Variants in SRCAP observed in about 807,000 individuals in gnomAD.
The protein encoded by SRCAP is chromatin remodeling protein SRCAP.
Under a neutral mutation model 263.1 loss-of-function variants are expected in SRCAP, and 46 were observed. The observed-to-expected ratio is 0.17, with a 90% CI of 0.14 to 0.22. The LOEUF (loss-of-function observed/expected upper bound fraction) is 0.22. Among genes scored for constraint, SRCAP ranks in the 10% least tolerant of loss-of-function variants. SRCAP has a pLI of 1.00. For synonymous variants in SRCAP, 1,813 were observed against 1,662.1 expected (o/e 1.09, Z -2.21); for missense variants, 3,695 against 4,181.9 (o/e 0.88, Z 3.21).
In SRCAP at chr16:30,716,222, G is replaced by A; in HGVS notation, c.2630+20G>A. 6.2e-7 allele frequency: 1 copy of A among 1,613,814 alleles called. No individual in the cohort carries two copies. The highest frequency in any genetic ancestry group is 8.5e-7 in the Non-Finnish European group (1 of 1,179,740). ...GACCACGTAAGGGAGGAAGGAGGGTGGGCCCTGGGACTCGAGATTGGAGTG... is the reference window on the plus strand; with the variant it reads ...GACCACGTAAGGGAGGAAGGAGGGTAGGCCCTGGGACTCGAGATTGGAGTG... On this transcript the variant is annotated intron_variant, in intron 17 of 33. Coordinates refer to ENST00000262518, the MANE Select transcript of SRCAP (RefSeq NM_006662.3).
At chr16:30,730,942 A>G (rs2053109199) in intron 27 of SRCAP, among the ~76,000 whole-genome samples, 1 of 152,088 alleles carries the variant, frequency 6.6e-6, no homozygotes, top group African/African-American at 2.4e-5. Context: ...TGCTGGGATT[A>G]CACACGTGAG....
chr16:30,736,291 AC>A lies in SRCAP; in HGVS notation c.6822del (p.Asn2274LysfsTer33). ...GCTGAGCTTGCAGAATTTAATGAGA[AC>A]GATGGGTTTCCTGCTGGTGAGGGAG... The part of the protein sequence containing the change: ...QVAELAEFNE[N>X]DGFPAGEGEE... On this transcript the variant is annotated frameshift_variant, in exon 32 of 34. Transcript: ENST00000262518. 6.2e-7 allele frequency: 1 copy of A among 1,614,166 alleles called. No homozygotes were observed. The highest frequency in any genetic ancestry group is 8.5e-7 in the Non-Finnish European group (1 of 1,180,028).
intron 10 of SRCAP, among the ~76,000 whole-genome samples, 175 bp from the exon 11 acceptor site, chr16:30,711,396 C>G (rs1018917277): frequency 6.6e-6 from 1 of 152,184 alleles, no homozygotes; most frequent in African/African-American, 2.4e-5. Context: ...TGGTACTTCC[C>G]CCAGGTTGTG....
intron 6 of SRCAP, among the ~76,000 whole-genome samples, chr16:30,708,928 C>T (rs554307622): frequency 6.6e-6 from 1 of 152,298 alleles, no homozygotes; most frequent in East Asian, 1.9e-4. Context: ...AAGCGATTCT[C>T]CTGCCTCTGC....
rs2053090003 is a variant in SRCAP at position 30,729,144 on chromosome 16, C to G, written c.5837C>G (p.Pro1946Arg). The change falls in exon 26 of 34, where the codon CCC becomes CGC. Residue 1946 changes from proline to arginine, a missense_variant. Physicochemically the swap from Pro to Arg is moderately radical, Grantham distance 103. Coordinates refer to ENST00000262518, the MANE Select transcript of SRCAP (RefSeq NM_006662.3). ...CCTCGTTCTCCTGGCCCCAGCCACC[C>G]CACCTTTTGGACTTATACCGAGGCT... Reference protein sequence around the residue: ...IGPRSPGPSHPTFWTYTEAAH... With the variant: ...IGPRSPGPSHRTFWTYTEAAH... The G allele has an allele frequency of 1.9e-6, 3 of 1,614,192 alleles. No homozygotes were observed. Among genetic ancestry groups the G allele is most frequent in the Non-Finnish European group, 2.5e-6 (3 of 1,180,044 alleles).
In SRCAP at chr16:30,734,511, C is replaced by T. The variant is rs1273730464; in HGVS notation, c.6625C>T (p.Leu2209=). 3 of 1,614,008 alleles carry T rather than the reference C, an allele frequency of 1.9e-6. No homozygotes were observed. The highest frequency in any genetic ancestry group is 2.5e-6 in the Non-Finnish European group (3 of 1,179,986). ...AYFKQQTIRE[L]FDMPLEEPSS... ...TATCCGATAGCAGACCATCCGAGAG[C>T]TGTTTGATATGCCCCTGGAGGAACC... The change falls in exon 31 of 34, where the codon CTG becomes TTG. Residue 2209 remains leucine (L), a synonymous_variant. Transcript: ENST00000262518.
At position 30,735,357 on chromosome 16, in the gene SRCAP, G is replaced by A. The variant is rs1008078473; in HGVS notation, c.6729+742G>A. Among the ~76,000 whole-genome samples, 395 of 150,866 alleles carry A rather than the reference G, an allele frequency of 2.6e-3. 1 individual carries two copies. Among genetic ancestry groups the A allele is most frequent in the African/African-American group, 9.5e-3 (388 of 41,052 alleles). On this transcript the variant is annotated intron_variant, in intron 31 of 33. Transcript: ENST00000262518. ...GAGACAGGGTTTCACCGTTTTAGCC[G>A]GGATGGTCTCGATCTCCTGACCTCG...
intron 8 of SRCAP, 90 bp downstream of exon 8, chr16:30,710,218 A>AGGTTG: frequency 7.5e-7 from 1 of 1,334,294 alleles, no homozygotes; most frequent in Middle Eastern, 2.6e-4. Context: ...GTTGGTTATG[A>AGGTTG]GTTTTAGGAG....
At position 30,723,652 on chromosome 16, in the gene SRCAP, C is replaced by T. The variant is rs1567247807; in HGVS notation, c.4228C>T (p.Pro1410Ser). 1.2e-6 allele frequency: 2 copies of T among 1,613,774 alleles called. No individual in the cohort carries two copies. The highest frequency in any genetic ancestry group is 1.3e-5 in the African/African-American group (1 of 74,994). The change falls in exon 25 of 34, where the codon CCA (proline) becomes TCA (serine). Residue 1410 changes from proline to serine, a missense_variant. Around this residue, in one of 12 missense-constraint regions of SRCAP, gnomAD observed 1,347 missense variants for 1,304.4 expected, o/e 1.03. Coordinates refer to ENST00000262518, the MANE Select transcript of SRCAP (RefSeq NM_006662.3). ...PLHVPSSLPG[P>S]ASSPMPIPNS... is the part of the protein sequence containing the mutation. ...CCACGTGCCATCCTCCCTCCCTGGG[C>T]CAGCCTCTTCTCCAATGCCAATTCC...
intron 15 of SRCAP, 43 bp from the exon 16 acceptor site, chr16:30,713,476 C>T: frequency 1.2e-6 from 2 of 1,611,362 alleles, no homozygotes; most frequent in Non-Finnish European, 1.7e-6. Flanking sequence ...AGGTTGGGAG[C>T]TTGCTGACCA....
intron 25 of SRCAP, among the ~76,000 whole-genome samples, chr16:30,726,859 G>A (rs1157162940): frequency 1.3e-5 from 2 of 152,030 alleles, no homozygotes; most frequent in African/African-American, 2.4e-5. Flanking sequence ...GCGTCACCAC[G>A]CCTGGCTAAT....
At position 30,704,268 on chromosome 16, in the gene SRCAP, C is replaced by A. The variant is rs767921710; in HGVS notation, c.259C>A (p.Pro87Thr). 1.9e-6 allele frequency: 3 copies of A among 1,613,378 alleles called. No individual in the cohort carries two copies. The highest frequency in any genetic ancestry group is 1.3e-5 in the African/African-American group (1 of 74,908). Reference sequence around the variant, plus strand: ...GGCTGCTGACCTGGCTAACAAGGGCCCGAAGTGGGAGAAGAGCCATGCCGA... The same window carrying A: ...GGCTGCTGACCTGGCTAACAAGGGCACGAAGTGGGAGAAGAGCCATGCCGA... ...SQAADLANKG[P>T]KWEKSHAEIA... Residue 87 changes from proline to threonine, a missense_variant, in exon 4 of 34, where the codon CCG becomes ACG. Pro to Thr is a conservative substitution (Grantham distance 38). Around this residue, in one of 12 missense-constraint regions of SRCAP, gnomAD observed 122 missense variants for 116.9 expected, o/e 1.04. Transcript: ENST00000262518.
Position 30,716,155 on chromosome 16 carries a change from C to G in SRCAP, c.2583C>G (p.Leu861=), listed in dbSNP as rs2052946459. The G allele has an allele frequency of 6.2e-7, 1 of 1,614,220 alleles. No homozygotes were observed. The change falls in exon 17 of 34, where the codon CTC becomes CTG. Residue 861 remains leucine (L), a synonymous_variant. Coordinates refer to ENST00000262518, the MANE Select transcript of SRCAP (RefSeq NM_006662.3). ...KKYEHVIRCR[L]SKRQRCLYDD... is the part of the protein sequence containing the mutation. ...ACGAGCATGTTATCCGCTGCAGGCT[C>G]TCCAAGCGTCAACGCTGTCTCTATG...
chr16:30,723,788 T>C lies in SRCAP; in HGVS notation c.4364T>C (p.Leu1455Pro). 1 of 1,613,642 alleles carries C rather than the reference T, an allele frequency of 6.2e-7. No individual in the cohort carries two copies. Among genetic ancestry groups the C allele is most frequent in the Non-Finnish European group, 8.5e-7 (1 of 1,179,908 alleles). The change falls in exon 25 of 34, where the codon CTC becomes CCC. Residue 1455 changes from leucine to proline, a missense_variant. Coordinates refer to ENST00000262518, the MANE Select transcript of SRCAP (RefSeq NM_006662.3). Reference sequence around the variant, plus strand: ...CTTCCTGCCCCAGCCTCGGCTCCACTCACCATCCCCATCTCAGCCCCCTTG... The same window carrying C: ...CTTCCTGCCCCAGCCTCGGCTCCACCCACCATCCCCATCTCAGCCCCCTTG... ...TTLPAPASAP[L>P]TIPISAPLTV...
At chr16:30,726,642 C>T (rs1272417873) in intron 25 of SRCAP, among the ~76,000 whole-genome samples, 1 of 151,744 alleles carries the variant, frequency 6.6e-6, no homozygotes, top group Non-Finnish European at 1.5e-5. Context: ...CTCAACCTCC[C>T]TCGTAGCTGG....
intron 27 of SRCAP, among the ~76,000 whole-genome samples, chr16:30,732,702 G>T (rs1471368752): frequency 1.3e-5 from 2 of 152,172 alleles, no homozygotes; most frequent in African/African-American, 4.8e-5. Flanking sequence ...TGCTCATAAA[G>T]CATTGGGGAT....
rs1019995400 is a variant in SRCAP, at chr16:30,700,734, G to C, written c.-91G>C. 8 of 1,300,986 alleles carry C rather than the reference G, an allele frequency of 6.1e-6. No homozygotes were observed. Among genetic ancestry groups the C allele is most frequent in the African/African-American group, 2.9e-5 (2 of 68,520 alleles). The allele number at this position is 1,300,986 out of a possible 1,614,324, so 80.6% of individuals were successfully genotyped here. ...ATGAGGCCAGCTCCCAGCATGCCCT[G>C]CAGCCGGACGCCAGCCCCTCGGCCA... On this transcript the variant is annotated 5_prime_UTR_variant, in exon 3 of 34. Transcript: ENST00000262518.
At position 30,721,324 on chromosome 16, in the gene SRCAP, C is replaced by T. The variant is rs760367858; in HGVS notation, c.3389C>T (p.Pro1130Leu). ...CCAGGCTCCTCTAGCCTGTTGAAGC[C>T]CCTGACAGTGCCACCAGGCTACACC... ...PPPGSSSLLK[P>L]LTVPPGYTFP... Residue 1130 changes from proline to leucine, a missense_variant, in exon 21 of 34, where the codon CCC becomes CTC. Around this residue, in one of 12 missense-constraint regions of SRCAP, gnomAD observed 1,347 missense variants for 1,304.4 expected, o/e 1.03. Coordinates refer to ENST00000262518, the MANE Select transcript of SRCAP (RefSeq NM_006662.3). The T allele has an allele frequency of 6.2e-7, 1 of 1,614,182 alleles. No homozygotes were observed. The highest frequency in any genetic ancestry group is 8.5e-7 in the Non-Finnish European group (1 of 1,180,046).
intron 18 of SRCAP, among the ~76,000 whole-genome samples, chr16:30,716,754 C>T (rs982017099): frequency 1.3e-5 from 2 of 152,134 alleles, no homozygotes; most frequent in Admixed American, 6.5e-5. Flanking sequence ...TTTTGATGGG[C>T]TTATCAAGGG....
Sources: allele counts gnomAD v4.1 joint callset (sites outside exome capture counted in the v4.1 genomes callset), GRCh38; gene constraint gnomAD v4.1.1; regional missense constraint gnomAD v4.1.1; transcripts MANE v1.5; gene names NCBI Gene and HGNC (gene_info 2026-07-23, HGNC 2026-07-21).